TRPM4: variants seen among roughly 807,000 people sequenced by gnomAD.
TRPM4 encodes the protein calcium-activated non-selective cation channel 1.
In TRPM4, 124 loss-of-function variants were observed where a neutral mutation model predicts 135.6. The ratio of observed to expected loss-of-function variants is 0.91; its 90% CI spans 0.79 to 1.06. The LOEUF is 1.06. Ranked by LOEUF, TRPM4 falls within the 50% of genes least tolerant of loss-of-function variation. The pLI is 0.00. For synonymous variants in TRPM4, 745 were observed against 705.6 expected, an observed-to-expected ratio of 1.06 and a Z score of -0.88; for missense variants, 1,658 against 1,671.4, an observed-to-expected ratio of 0.99 and a Z score of 0.14.
chr19:49,185,461 G>C (rs1968164930), intron 12 of TRPM4, among the ~76,000 whole-genome samples: 1 of 152,118 alleles, frequency 6.6e-6, no homozygotes, highest in African/African-American at 2.4e-5. Flanking sequence ...GGTTGGTCTT[G>C]AATTCTTGGG....
intron 12 of TRPM4, among the ~76,000 whole-genome samples, chr19:49,184,523 C>G (rs559249614): frequency 7.9e-6 from 1 of 125,874 alleles, no homozygotes; most frequent in South Asian, 2.8e-4. Flanking sequence ...TGCAGTGGCT[C>G]AATCTCCGCT....
At chr19:49,200,547 G>A in intron 18 of TRPM4, 64 bp from the exon 19 acceptor site, 1 of 1,602,924 alleles carries the variant, frequency 6.2e-7, no homozygotes, top group Admixed American at 1.7e-5. Context: ...GCGTGTTTTT[G>A]GGATATAGGG....
intron 10 of TRPM4, among the ~76,000 whole-genome samples, chr19:49,181,951 C>T (rs1043056954): frequency 1.5e-5 from 2 of 132,326 alleles, no homozygotes; most frequent in African/African-American, 6.1e-5. Flanking sequence ...CCCCACCCAT[C>T]CATCTGTCTA....
At position 49,171,816 on chromosome 19, in the gene TRPM4, T is replaced by G; in HGVS notation, c.1050+47T>G. ...TCTGGATCCTGAGATGGGAGGGAAC[T>G]GGGGACTTGGGCTCCTGGGTCTGAG... is the stretch of plus-strand genomic sequence containing the variant. On this transcript the variant is annotated intron_variant, in intron 8 of 24. Transcript: ENST00000252826. The surrounding 1 kb of genome is among the most constrained non-coding windows in gnomAD (Gnocchi z 4.7). 6.3e-7 allele frequency: 1 copy of G among 1,581,276 alleles called. No individual in the cohort carries two copies. Among genetic ancestry groups the G allele is most frequent in the Non-Finnish European group, 8.6e-7 (1 of 1,160,248 alleles).
chr19:49,211,394 C>T lies in TRPM4; in HGVS notation c.3641-100C>T, dbSNP rs1027621158. 1.9e-6 allele frequency: 3 copies of T among 1,598,874 alleles called. No homozygotes were observed. Among genetic ancestry groups the T allele is most frequent in the African/African-American group, 2.7e-5 (2 of 74,670 alleles). On this transcript the variant is annotated intron_variant, in intron 24 of 24. Coordinates refer to ENST00000252826, the MANE Select transcript of TRPM4 (RefSeq NM_017636.4). This position sits in a 1 kb window ranked among gnomAD's most constrained non-coding sequence, Gnocchi z 4.8. ...CTTGGTCTCCTTTGAGCCTTTTGTACTCTCGCCTTCGTCTTTCTTCTTTTT... is the reference window on the plus strand; with the variant it reads ...CTTGGTCTCCTTTGAGCCTTTTGTATTCTCGCCTTCGTCTTTCTTCTTTTT...
chr19:49,211,515 TC>T lies in TRPM4; in HGVS notation c.*18del. 6.2e-7 allele frequency: 1 copy of T among 1,614,052 alleles called. No individual in the cohort carries two copies. Among genetic ancestry groups the T allele is most frequent in the East Asian group, 2.2e-5 (1 of 44,874 alleles). ...CCAGACTGAGCCCTGCTGGCGGACT[TC>T]AAGGAGAAGCCCCCACAGGGGATTT... is the stretch of plus-strand genomic sequence containing the variant. On this transcript the variant is annotated 3_prime_UTR_variant, in exon 25 of 25. Transcript: ENST00000252826. This position sits in a 1 kb window ranked among gnomAD's most constrained non-coding sequence, Gnocchi z 4.8.
chr19:49,181,289 C>T, intron 9 of TRPM4, 60 bp from the exon 10 acceptor site: 1 of 1,270,580 alleles, frequency 7.9e-7, no homozygotes, highest in Non-Finnish European at 1.2e-6. Flanking sequence ...GCAAAATAGA[C>T]ATTCAGCAGA....
chr19:49,172,025 C>T lies in TRPM4; in HGVS notation c.1067C>T (p.Thr356Ile). ...VLQAQVERIM[T>I]RKELLTVYSS... ...ATTCCACAGGTGGAGAGGATTATGACCCGGAAGGAGCTCCTGACAGTCTAT... is the reference window on the plus strand; with the variant it reads ...ATTCCACAGGTGGAGAGGATTATGATCCGGAAGGAGCTCCTGACAGTCTAT... The change falls in exon 9 of 25, where the codon ACC becomes ATC. Residue 356 changes from threonine (T) to isoleucine (I), a missense_variant. Physicochemically the swap from Thr to Ile is moderately conservative, Grantham distance 89 (BLOSUM62 -1). Transcript: ENST00000252826. 2 of 1,613,956 alleles carry T rather than the reference C, an allele frequency of 1.2e-6. No homozygotes were observed. The highest frequency in any genetic ancestry group is 1.7e-6 in the Non-Finnish European group (2 of 1,179,878).
At chr19:49,207,260 G>A (rs1375604463) in intron 20 of TRPM4, among the ~76,000 whole-genome samples, 1 of 152,106 alleles carries the variant, frequency 6.6e-6, no homozygotes, top group Non-Finnish European at 1.5e-5. Flanking sequence ...TCACCATTGG[G>A]TATGACGGTA....
rs1227692169 is a variant in TRPM4 at position 49,172,107 on chromosome 19, G to C, written c.1149G>C (p.Lys383Asn). Residue 383 changes from lysine (K) to asparagine (N), a missense_variant and splice_region_variant, in exon 9 of 25, where the codon AAG (lysine) becomes AAC (asparagine). By Grantham distance (94) the Lys-to-Asn change is moderately conservative. Coordinates refer to ENST00000252826, the MANE Select transcript of TRPM4 (RefSeq NM_017636.4). ...FETIVLKALVKACGSSEASAY... is the reference protein window; with the variant it reads ...FETIVLKALVNACGSSEASAY... The stretch of plus-strand genomic sequence containing the variant: ...CCATAGTTTTGAAGGCCCTTGTGAA[G>C]GGTAAAAGTTGTACCCTCCAGTCTT... 5.0e-6 allele frequency: 8 copies of C among 1,611,968 alleles called. No homozygotes were observed. Among genetic ancestry groups the C allele is most frequent in the Non-Finnish European group, 6.8e-6 (8 of 1,178,268 alleles).
Position 49,202,003 on chromosome 19 carries a change from G to C in TRPM4, c.2993G>C (p.Gly998Ala). Residue 998 changes from glycine (G) to alanine (A), a missense_variant, in exon 20 of 25, where the codon GGC becomes GCC. This residue lies in a region of TRPM4 where 1,412 missense variants were observed against 1,408.7 expected (regional missense o/e 1.00). Transcript: ENST00000252826. ...MEHSNCSSEP[G>A]FWAHPPGAQA... ...CACAGCAACTGCTCGTCGGAGCCCG[G>C]CTTCTGGGCACACCCTCCTGGGGCC... The C allele has an allele frequency of 6.2e-7, 1 of 1,613,614 alleles. No homozygotes were observed. Among genetic ancestry groups the C allele is most frequent in the Non-Finnish European group, 8.5e-7 (1 of 1,180,030 alleles).
chr19:49,191,361 G>A (rs1408613935), intron 16 of TRPM4, among the ~76,000 whole-genome samples: 6 of 151,230 alleles, frequency 4.0e-5, no homozygotes, highest in Non-Finnish European at 8.8e-5. Context: ...ATGCCACTAC[G>A]CCCAGCTAAT....
chr19:49,196,564 C>A lies in TRPM4; in HGVS notation c.2335C>A (p.Pro779Thr), dbSNP rs534427774. 116 of 1,554,890 alleles carry A rather than the reference C, an allele frequency of 7.5e-5. 3 individuals are homozygous for A. The South Asian group carries it at 1.3e-3, about 18-fold the overall frequency. The change falls in exon 17 of 25, where the codon CCG (proline) becomes ACG (threonine). Residue 779 changes from proline to threonine, a missense_variant. Pro to Thr is a conservative substitution (Grantham distance 38). Coordinates refer to ENST00000252826, the MANE Select transcript of TRPM4 (RefSeq NM_017636.4). ...CCGCTGGTTCCACTTCTGGGGCGCG[C>A]CGGTGACCATCTTCATGGGCAACGT... ...LRRWFHFWGA[P>T]VTIFMGNVVS...
chr19:49,208,830 G>T (rs1302578685), intron 20 of TRPM4, among the ~76,000 whole-genome samples: 2 of 151,896 alleles, frequency 1.3e-5, no homozygotes, highest in Non-Finnish European at 2.9e-5. Flanking sequence ...GTGGTGGTGG[G>T]TGCCTGTAGT....
intron 16 of TRPM4, among the ~76,000 whole-genome samples, chr19:49,193,013 A>G (rs1968468899): frequency 6.6e-6 from 1 of 151,982 alleles, no homozygotes; most frequent in South Asian, 2.1e-4. Flanking sequence ...CGACCTTGAT[A>G]ACAGCTGATG....
intron 20 of TRPM4, among the ~76,000 whole-genome samples, chr19:49,203,799 C>T (rs1240927784): frequency 1.3e-5 from 2 of 152,124 alleles, no homozygotes; most frequent in Admixed American, 1.3e-4. Flanking sequence ...TCATTCATTC[C>T]GTTTTATGAA....
chr19:49,164,305 T>TCCTTCCTTTCCTTCCTC (rs1967081968), intron 2 of TRPM4, among the ~76,000 whole-genome samples: 3 of 121,700 alleles, frequency 2.5e-5, no homozygotes, highest in Non-Finnish European at 3.5e-5. Context: ...CTTCCTTCCT[T>TCCTTCCTTTCCTTCCTC]CCTTCCTTTC....
intron 9 of TRPM4, among the ~76,000 whole-genome samples, chr19:49,177,907 T>C (rs972953862): frequency 6.6e-6 from 1 of 152,094 alleles, no homozygotes; most frequent in Non-Finnish European, 1.5e-5. Context: ...ATCATTGGCA[T>C]GAAGGGAGTG....
intron 2 of TRPM4, among the ~76,000 whole-genome samples, chr19:49,164,362 TAG>T (rs1302519703): frequency 2.6e-3 from 158 of 60,360 alleles, no homozygotes; most frequent in Middle Eastern, 9.8e-3. Flanking sequence ...TTTCTTTCCT[TAG>T]TTTTTTTTTT....
Sources: allele counts gnomAD v4.1 joint callset (sites outside exome capture counted in the v4.1 genomes callset), GRCh38; gene constraint gnomAD v4.1.1; regional missense constraint gnomAD v4.1.1; non-coding constraint Gnocchi (gnomAD v3.1); transcripts MANE v1.5; gene names NCBI Gene and HGNC (gene_info 2026-07-23, HGNC 2026-07-21).